PPA2: variants seen among roughly 807,000 people sequenced by gnomAD.
PPA2 encodes inorganic pyrophosphatase 2.
A neutral mutation model predicts 49.5 loss-of-function variants in PPA2; 48 were observed. That is an observed-to-expected ratio of 0.97 (90% CI 0.77 to 1.23). PPA2 has a LOEUF of 1.23. Among genes scored for constraint, PPA2 ranks in the 50% most tolerant of loss-of-function variants. The pLI, the probability that PPA2 is intolerant of heterozygous loss-of-function variation, is 0.00. For missense variants in PPA2, 429 were observed against 410.1 expected, an observed-to-expected ratio of 1.05 and a Z score of -0.40; for synonymous variants, 131 against 139.9, an observed-to-expected ratio of 0.94 and a Z score of 0.45.
At chr4:105,391,983 C>A (rs1733940820) in intron 9 of PPA2, among the ~76,000 whole-genome samples, 1 of 151,764 alleles carries the variant, frequency 6.6e-6, no homozygotes, top group Non-Finnish European at 1.5e-5. Flanking sequence ...AAGAATCAAT[C>A]AAAACTTGAA....
intron 7 of PPA2, among the ~76,000 whole-genome samples, chr4:105,414,820 A>G (rs768363918): frequency 6.6e-6 from 1 of 152,116 alleles, no homozygotes; most frequent in Non-Finnish European, 1.5e-5. Flanking sequence ...TCTCCCGTAC[A>G]GAAGAAGAAT....
intron 1 of PPA2, among the ~76,000 whole-genome samples, chr4:105,464,877 T>G (rs1723238176): frequency 6.6e-6 from 1 of 152,180 alleles, no homozygotes; most frequent in African/African-American, 2.4e-5. Flanking sequence ...GAAAACAAAC[T>G]AATACAAATA....
intron 7 of PPA2, among the ~76,000 whole-genome samples, chr4:105,406,599 G>C (rs982150380): frequency 1.3e-5 from 2 of 152,068 alleles, no homozygotes; most frequent in Non-Finnish European, 2.9e-5. Context: ...TAGTAACAAG[G>C]TTTACATGAA....
chr4:105,451,062 A>G (rs1476640774), intron 3 of PPA2, among the ~76,000 whole-genome samples: 1 of 151,830 alleles, frequency 6.6e-6, no homozygotes, highest in East Asian at 1.9e-4. Flanking sequence ...CATCAATACC[A>G]CCTCACCAGC....
Position 105,432,807 on chromosome 4 carries a change from G to A in PPA2, c.528+5143C>T, listed in dbSNP as rs116271947. 5.4e-3 allele frequency among the ~76,000 whole-genome samples: 825 copies of A among 152,232 alleles called. 4 individuals carry two copies. The highest frequency in any genetic ancestry group is 0.014 in the South Asian group (68 of 4,824). On this transcript the variant is annotated intron_variant, in intron 6 of 11. Coordinates refer to ENST00000341695, the MANE Select transcript of PPA2 (RefSeq NM_176869.3). ...AATTATTTTTCCAATGTGGCCCAGG[G>A]AAGCCAAAAGATTGGACACCCCTGG... is the stretch of plus-strand genomic sequence containing the variant.
intron 1 of PPA2, among the ~76,000 whole-genome samples, chr4:105,467,952 C>A (rs1011016275): frequency 3.3e-5 from 5 of 152,050 alleles, no homozygotes; most frequent in Non-Finnish European, 7.4e-5. Context: ...AGAAGAGATG[C>A]GGCTAATGTT....
At chr4:105,404,986 G>A (rs1172592658) in intron 7 of PPA2, 1 of 158,884 alleles carries the variant, frequency 6.3e-6, no homozygotes, top group Non-Finnish European at 1.3e-5. Context: ...GGGAGGCTGA[G>A]GCAGGAGAAT....
intron 1 of PPA2, 21 bp downstream of exon 1, chr4:105,473,873 G>A (rs758072341): frequency 1.3e-6 from 2 of 1,577,504 alleles, no homozygotes; most frequent in Non-Finnish European, 1.7e-6. Context: ...GCCGCTCGGC[G>A]AACCTCCGGG....
chr4:105,457,111 T>C (rs1578881321), intron 1 of PPA2, among the ~76,000 whole-genome samples: 1 of 152,232 alleles, frequency 6.6e-6, no homozygotes, highest in East Asian at 1.9e-4. Flanking sequence ...CTGATGTCAA[T>C]TTCCCTTGGG....
intron 6 of PPA2, among the ~76,000 whole-genome samples, chr4:105,428,761 A>G (rs1723650906): frequency 6.6e-6 from 1 of 152,154 alleles, no homozygotes; most frequent in South Asian, 2.1e-4. Context: ...TGGCACATAT[A>G]TACCTACGTA....
intron 10 of PPA2, among the ~76,000 whole-genome samples, chr4:105,382,141 T>A (rs1733514721): frequency 1.3e-5 from 2 of 151,982 alleles, no homozygotes; most frequent in Admixed American, 1.3e-4. Flanking sequence ...ATTATTTATA[T>A]TTTTTGAGGC....
chr4:105,372,497 AT>A (rs1172564785), intron 10 of PPA2, among the ~76,000 whole-genome samples: 1 of 152,210 alleles, frequency 6.6e-6, no homozygotes, highest in Non-Finnish European at 1.5e-5. Flanking sequence ...TTTAGATGAG[AT>A]TAACATTTAA....
intron 6 of PPA2, among the ~76,000 whole-genome samples, chr4:105,433,133 AC>A (rs1296848505): frequency 2.0e-5 from 3 of 152,208 alleles, no homozygotes; most frequent in African/African-American, 7.2e-5. Flanking sequence ...TTCTCAGTAA[AC>A]AAAAAGGCTA....
At chr4:105,383,452 C>A (rs988171299) in intron 10 of PPA2, among the ~76,000 whole-genome samples, 4 of 152,024 alleles carry the variant, frequency 2.6e-5, no homozygotes, top group African/African-American at 9.7e-5. Context: ...CAATTTGTTT[C>A]GTCTCAATGT....
At chr4:105,464,679 C>T (rs974578204) in intron 1 of PPA2, among the ~76,000 whole-genome samples, 1 of 152,170 alleles carries the variant, frequency 6.6e-6, no homozygotes, top group Non-Finnish European at 1.5e-5. Context: ...GAGTAAATCT[C>T]ATGAGATCTG....
At position 105,384,778 on chromosome 4, in the gene PPA2, C is replaced by A. The variant is rs532416828; in HGVS notation, c.939+1789G>T. Among the ~76,000 whole-genome samples the A allele has an allele frequency of 2.0e-5, 3 of 152,270 alleles. No homozygotes were observed. In the South Asian group the frequency reaches 6.2e-4, roughly 32 times the overall value. On this transcript the variant is annotated intron_variant, in intron 10 of 11. Coordinates refer to ENST00000341695, the MANE Select transcript of PPA2 (RefSeq NM_176869.3). Reference sequence around the variant, plus strand: ...CTACAGCCCATTCTCACCAATGCAGCCAGAATGATCTTGTTAAAATCAAAG... The same window carrying A: ...CTACAGCCCATTCTCACCAATGCAGACAGAATGATCTTGTTAAAATCAAAG...
chr4:105,400,909 C>G (rs1734338639), intron 7 of PPA2, among the ~76,000 whole-genome samples: 1 of 152,070 alleles, frequency 6.6e-6, no homozygotes, highest in Non-Finnish European at 1.5e-5. Context: ...AAGTATAACT[C>G]TCCAAATATA....
intron 10 of PPA2, among the ~76,000 whole-genome samples, chr4:105,374,523 C>A (rs1002711791): frequency 1.3e-5 from 2 of 152,292 alleles, no homozygotes; most frequent in Admixed American, 1.3e-4. Flanking sequence ...GTATTCCTTT[C>A]TTTTCTGTTT....
At chr4:105,384,749 T>C (rs1167538178) in intron 10 of PPA2, among the ~76,000 whole-genome samples, 1 of 152,246 alleles carries the variant, frequency 6.6e-6, no homozygotes, top group African/African-American at 2.4e-5. Flanking sequence ...AATCTAATTA[T>C]GGCCTACAGC....
Sources: allele counts gnomAD v4.1 joint callset (sites outside exome capture counted in the v4.1 genomes callset), GRCh38; gene constraint gnomAD v4.1.1; transcripts MANE v1.5; gene names NCBI Gene and HGNC (gene_info 2026-07-23, HGNC 2026-07-21).